The following MAGI1 variants were observed in gnomAD, a reference collection of about 807,000 sequenced individuals.
MAGI1 encodes the protein membrane associated guanylate kinase, WW and PDZ domain containing 1.
A neutral mutation model predicts 139.9 loss-of-function variants in MAGI1; 58 were observed. That is an observed-to-expected ratio of 0.41 (90% CI 0.34 to 0.52). The LOEUF (loss-of-function observed/expected upper bound fraction) is 0.52, where lower values mean the gene tolerates loss of function less well. MAGI1 is among the 20% of genes least tolerant of loss of function. The pLI, the probability that MAGI1 is intolerant of heterozygous loss-of-function variation, is 0.12. For missense variants in MAGI1, 1,874 were observed against 1,901.6 expected, an observed-to-expected ratio of 0.99 and a Z score of 0.27; for synonymous variants, 812 against 737.9, an observed-to-expected ratio of 1.10 and a Z score of -1.63.
At chr3:65,446,003 G>A (rs558578632) in intron 7 of MAGI1, among the ~76,000 whole-genome samples, 4 of 152,262 alleles carry the variant, frequency 2.6e-5, no homozygotes, top group Admixed American at 2.0e-4. Flanking sequence ...GTGTGTGCAC[G>A]TGTGCTACTC....
intron 1 of MAGI1, among the ~76,000 whole-genome samples, chr3:65,995,522 C>A (rs990912916): frequency 6.7e-6 from 1 of 149,320 alleles, no homozygotes; most frequent in Middle Eastern, 3.5e-3. Context: ...TAAGGATATA[C>A]GGCTCCCTTA....
intron 1 of MAGI1, among the ~76,000 whole-genome samples, chr3:65,896,537 C>T (rs1023074584): frequency 1.3e-5 from 2 of 152,208 alleles, no homozygotes; most frequent in East Asian, 1.9e-4. Flanking sequence ...TGGCTGGACA[C>T]GGTGGTTCAC....
At chr3:65,480,231 T>C (rs1004641215) in intron 3 of MAGI1, among the ~76,000 whole-genome samples, 2 of 149,632 alleles carry the variant, frequency 1.3e-5, no homozygotes, top group Admixed American at 6.7e-5. Context: ...GACATACAGA[T>C]AATAAAGAAT....
intron 1 of MAGI1, among the ~76,000 whole-genome samples, chr3:65,902,117 T>C (rs2061255428): frequency 6.6e-6 from 1 of 152,232 alleles, no homozygotes; most frequent in African/African-American, 2.4e-5. Context: ...AGGGAATAAA[T>C]GTCTGGATTT....
intron 1 of MAGI1, among the ~76,000 whole-genome samples, chr3:65,827,686 C>T (rs773374181): frequency 5.3e-5 from 8 of 152,214 alleles, no homozygotes; most frequent in Non-Finnish European, 8.8e-5. Context: ...TACTCAACTA[C>T]ATTCTCCTAC....
intron 1 of MAGI1, among the ~76,000 whole-genome samples, chr3:65,822,949 G>C (rs73136946): frequency 1.3e-5 from 2 of 152,284 alleles, no homozygotes; most frequent in African/African-American, 2.4e-5. Context: ...TGGGGACACA[G>C]ATCCAAACCA....
At chr3:65,880,312 T>A (rs1306318752) in intron 1 of MAGI1, among the ~76,000 whole-genome samples, 1 of 151,806 alleles carries the variant, frequency 6.6e-6, no homozygotes, top group Non-Finnish European at 1.5e-5. Flanking sequence ...ATGATAACAG[T>A]AGTAACAGTA....
intron 2 of MAGI1, among the ~76,000 whole-genome samples, chr3:65,571,701 C>T (rs996784631): frequency 6.6e-6 from 1 of 151,382 alleles, no homozygotes; most frequent in Non-Finnish European, 1.5e-5. Context: ...AAAGGAGGAG[C>T]CATGCGTAAC....
intron 1 of MAGI1, among the ~76,000 whole-genome samples, chr3:65,853,247 A>C (rs570454470): frequency 6.6e-6 from 1 of 152,374 alleles, no homozygotes; most frequent in East Asian, 1.9e-4. Flanking sequence ...CTCAAGATTT[A>C]AAAATAAGTC....
At chr3:65,699,937 C>T (rs1020118547) in intron 1 of MAGI1, among the ~76,000 whole-genome samples, 13 of 151,424 alleles carry the variant, frequency 8.6e-5, no homozygotes, top group African/African-American at 3.2e-4. Context: ...AGGCCTTGCC[C>T]CAGACCTACT....
intron 1 of MAGI1, among the ~76,000 whole-genome samples, chr3:65,775,464 T>TTG: frequency 5.7e-5 from 1 of 17,466 alleles, no homozygotes; most frequent in South Asian, 3.2e-3. Context: ...AAAAAAAAAA[T>TTG]TTTTTTAAGT....
intron 1 of MAGI1, among the ~76,000 whole-genome samples, chr3:65,643,324 C>A (rs1006306575): frequency 2.0e-5 from 3 of 152,188 alleles, no homozygotes; most frequent in Non-Finnish European, 1.5e-5. Flanking sequence ...CTCATGCCAA[C>A]TCAACAGCTC....
intron 1 of MAGI1, among the ~76,000 whole-genome samples, chr3:65,721,769 T>C (rs1361513795): frequency 2.0e-5 from 3 of 152,164 alleles, no homozygotes; most frequent in Non-Finnish European, 2.9e-5. Flanking sequence ...TGGAATTAAA[T>C]CATTGCACAC....
chr3:65,663,251 A>G (rs1456982863), intron 1 of MAGI1, among the ~76,000 whole-genome samples: 6 of 152,182 alleles, frequency 3.9e-5, no homozygotes, highest in South Asian at 2.1e-4. Flanking sequence ...TTTAATTTCC[A>G]TATTGCTACA....
intron 2 of MAGI1, among the ~76,000 whole-genome samples, chr3:65,500,602 T>TC (rs1299722538): frequency 1.3e-5 from 2 of 152,242 alleles, no homozygotes; most frequent in Admixed American, 1.3e-4. Context: ...TCTTGAAATA[T>TC]CCAGTTGAGG....
chr3:65,884,317 C>G (rs965714792), intron 1 of MAGI1, among the ~76,000 whole-genome samples: 47 of 152,316 alleles, frequency 3.1e-4, no homozygotes, highest in Middle Eastern at 3.4e-3. Context: ...ATGAGGTATC[C>G]AAGTGCAGAC....
intron 1 of MAGI1, among the ~76,000 whole-genome samples, chr3:65,925,472 A>G (rs992455691): frequency 2.6e-5 from 4 of 152,214 alleles, no homozygotes; most frequent in African/African-American, 9.6e-5. Context: ...TGACCACATA[A>G]TTCCCTGATG....
Position 65,957,534 on chromosome 3 carries a change from AG to A in MAGI1, c.313+80461del, listed in dbSNP as rs60686429. Among the ~76,000 whole-genome samples the A allele has an allele frequency of 8.1e-3, 271 of 33,572 alleles. 14 individuals are homozygous for A. The highest frequency in any genetic ancestry group is 0.038 in the African/African-American group (151 of 4,004). The allele number at this position is 33,572 out of a possible 152,430, so 22.0% of individuals were successfully genotyped here. ...AGACTTCATCTCAAAAAAAAAAAAA[AG>A]AAAAAGAAAAGAAAAAGGAATGAAC... On this transcript the variant is annotated intron_variant, in intron 1 of 22. Transcript: ENST00000402939.
At chr3:65,420,805 T>A (rs1376499999) in intron 12 of MAGI1, among the ~76,000 whole-genome samples, 1 of 152,194 alleles carries the variant, frequency 6.6e-6, no homozygotes, top group Admixed American at 6.5e-5. Flanking sequence ...TAATAAATAA[T>A]GCATATAAGT....
Sources: gnomAD v4.1 joint callset for allele counts (sites outside exome capture counted in the v4.1 genomes callset) on GRCh38, gnomAD v4.1.1 for gene constraint, MANE v1.5 for transcripts, NCBI Gene and HGNC (gene_info 2026-07-23, HGNC 2026-07-21) for gene names.